Variants in GAS7 observed in about 807,000 individuals in gnomAD.
GAS7 encodes the protein growth arrest-specific protein 7.
Under a neutral mutation model 71.1 loss-of-function variants are expected in GAS7, and 28 were observed. That is an observed-to-expected ratio of 0.39 (90% CI 0.29 to 0.54). GAS7 has a LOEUF of 0.54. Among genes scored for constraint, GAS7 ranks in the 20% least tolerant of loss-of-function variants. The pLI, the probability that GAS7 is intolerant of heterozygous loss-of-function variation, is 0.62. For synonymous variants in GAS7, 258 were observed against 245.8 expected, an observed-to-expected ratio of 1.05 and a Z score of -0.46; for missense variants, 436 against 627.8, an observed-to-expected ratio of 0.69 and a Z score of 3.27.
At chr17:9,943,057 CG>C (rs1429305308) in intron 7 of GAS7, 63 bp downstream of exon 7, 1 of 1,064,780 alleles carries the variant, frequency 9.4e-7, no homozygotes, top group East Asian at 2.3e-5. Flanking sequence ...CGCCCCGCCC[CG>C]GCCACGGGGC....
At chr17:10,094,734 CT>C (rs2073623285) in intron 1 of GAS7, among the ~76,000 whole-genome samples, 1 of 152,152 alleles carries the variant, frequency 6.6e-6, no homozygotes, top group Admixed American at 6.6e-5. Flanking sequence ...TCCCAAAGTG[CT>C]GGGATTACAG....
At chr17:10,092,314 G>A (rs1228261938) in intron 1 of GAS7, among the ~76,000 whole-genome samples, 1 of 152,184 alleles carries the variant, frequency 6.6e-6, no homozygotes. Context: ...GAGGAAAACA[G>A]TACACTACTA....
At chr17:9,939,259 G>A (rs1041642800) in intron 8 of GAS7, among the ~76,000 whole-genome samples, 1 of 152,152 alleles carries the variant, frequency 6.6e-6, no homozygotes, top group Non-Finnish European at 1.5e-5. Flanking sequence ...TTTCCCCCAG[G>A]GGTGCATAAG....
chr17:10,025,541 C>T lies in GAS7; in HGVS notation c.184-5644G>A, dbSNP rs559591724. ...TCTTTATTTAAAAAAACAACGCAAC[C>T]CCCAAAATTTTCCCCTTAATGGTGG... On this transcript the variant is annotated intron_variant, in intron 1 of 13. Coordinates refer to ENST00000432992, the MANE Select transcript of GAS7 (RefSeq NM_201433.2). Among the ~76,000 whole-genome samples the T allele has an allele frequency of 2.1e-3, 318 of 151,924 alleles. 2 individuals carry two copies. Among genetic ancestry groups the T allele is most frequent in the African/African-American group, 7.1e-3 (295 of 41,418 alleles).
At chr17:10,175,199 C>T (rs8066598) in intron 1 of GAS7, among the ~76,000 whole-genome samples, 74,208 of 145,354 alleles carry the variant, frequency 0.51, 17,572 homozygotes, top group East Asian at 0.63. Flanking sequence ...TATAACCCTT[C>T]AGCTAGGAAT....
chr17:10,197,972 G>A (rs1428015826), intron 1 of GAS7, among the ~76,000 whole-genome samples: 1 of 152,190 alleles, frequency 6.6e-6, no homozygotes, highest in Admixed American at 6.5e-5. Context: ...GTGTGCTCCG[G>A]AGGCCCGGCG....
rs550654669 is a variant in GAS7 at position 9,955,742 on chromosome 17, G to A, written c.525+3460C>T. On this transcript the variant is annotated intron_variant, in intron 5 of 13. Coordinates refer to ENST00000432992, the MANE Select transcript of GAS7 (RefSeq NM_201433.2). ...GTGCTCAAGAGGGAGCCAGAGAGGG[G>A]CACGCCTCCCCGTGTGTACTGCTCA... is the stretch of plus-strand genomic sequence containing the variant. Among the ~76,000 whole-genome samples, 38 of 152,292 alleles carry A rather than the reference G, an allele frequency of 2.5e-4. No individual in the cohort carries two copies. In the East Asian group the frequency reaches 4.8e-3, roughly 19 times the overall value.
intron 2 of GAS7, among the ~76,000 whole-genome samples, chr17:10,016,781 TAATAA>T (rs1567542956): frequency 1.1e-5 from 1 of 89,000 alleles, no homozygotes; most frequent in Non-Finnish European, 2.3e-5. Context: ...ATAATAATAA[TAATAA>T]TAATAATAAT....
intron 2 of GAS7, among the ~76,000 whole-genome samples, chr17:9,984,221 G>A (rs1418507112): frequency 3.3e-5 from 5 of 151,970 alleles, no homozygotes; most frequent in African/African-American, 9.7e-5. Flanking sequence ...TAGGCAAATC[G>A]CACCACCCTT....
Position 10,150,385 on chromosome 17 carries a change from C to T in GAS7, c.183+47823G>A, listed in dbSNP as rs2142106718. Among the ~76,000 whole-genome samples the T allele has an allele frequency of 1.5e-5, 2 of 136,506 alleles. 1 individual carries two copies. Among genetic ancestry groups the T allele is most frequent in the South Asian group, 5.1e-4 (2 of 3,892 alleles). The allele number at this position is 136,506 out of a possible 152,430, so 89.6% of individuals were successfully genotyped here. On this transcript the variant is annotated intron_variant, in intron 1 of 13. Coordinates refer to ENST00000432992, the MANE Select transcript of GAS7 (RefSeq NM_201433.2). ...TTCCTTTTCTTCCTCTCCTTTTCTTCTCTTTCTTTCTTTCTCTCAACTGGT... is the reference window on the plus strand; with the variant it reads ...TTCCTTTTCTTCCTCTCCTTTTCTTTTCTTTCTTTCTTTCTCTCAACTGGT...
chr17:10,019,916 A>G lies in GAS7; in HGVS notation c.184-19T>C. The G allele has an allele frequency of 6.2e-7, 1 of 1,611,890 alleles. No homozygotes were observed. The highest frequency in any genetic ancestry group is 8.5e-7 in the Non-Finnish European group (1 of 1,179,594). On this transcript the variant is annotated intron_variant, in intron 1 of 13. Coordinates refer to ENST00000432992, the MANE Select transcript of GAS7 (RefSeq NM_201433.2). ...CAGGCTTCTGTTGGAGAAGAAAGAAAAGGTCACACCCATTTGGCATTTTTG... is the reference window on the plus strand; with the variant it reads ...CAGGCTTCTGTTGGAGAAGAAAGAAGAGGTCACACCCATTTGGCATTTTTG...
At chr17:10,070,320 T>C (rs1409701550) in intron 1 of GAS7, among the ~76,000 whole-genome samples, 1 of 147,194 alleles carries the variant, frequency 6.8e-6, no homozygotes, top group Non-Finnish European at 1.5e-5. Flanking sequence ...CCAGCCCAGC[T>C]CTCCCTTCGT....
intron 1 of GAS7, among the ~76,000 whole-genome samples, chr17:10,118,576 T>C (rs1228645387): frequency 6.6e-6 from 1 of 151,948 alleles, no homozygotes. Context: ...CCAGGTGTGA[T>C]GGAGGTAGTC....
At position 10,034,712 on chromosome 17, in the gene GAS7, G is replaced by A. The variant is rs1390657202; in HGVS notation, c.184-14815C>T. On this transcript the variant is annotated intron_variant, in intron 1 of 13. Transcript: ENST00000432992. The surrounding 1 kb of genome is among the most constrained non-coding windows in gnomAD (Gnocchi z 4.4). ...AGTGTAGACATGGGCATCATGTCTAGGAGGCATCTGACTGTTCCTGAAACG... is the reference window on the plus strand; with the variant it reads ...AGTGTAGACATGGGCATCATGTCTAAGAGGCATCTGACTGTTCCTGAAACG... 6.6e-6 allele frequency among the ~76,000 whole-genome samples: 1 copy of A among 152,204 alleles called. No homozygotes were observed. Among genetic ancestry groups the A allele is most frequent in the South Asian group, 2.1e-4 (1 of 4,834 alleles).
intron 8 of GAS7, among the ~76,000 whole-genome samples, chr17:9,937,913 T>A (rs191566120): frequency 6.6e-6 from 1 of 152,182 alleles, no homozygotes; most frequent in African/African-American, 2.4e-5. Flanking sequence ...TGTTTTTTTT[T>A]ACAGAGGTGA....
At chr17:10,004,217 G>A (rs779208845) in intron 2 of GAS7, among the ~76,000 whole-genome samples, 2 of 152,130 alleles carry the variant, frequency 1.3e-5, no homozygotes, top group Non-Finnish European at 2.9e-5. Flanking sequence ...CATTGTGTTC[G>A]CCCACACCAC....
rs576998165 is a variant in GAS7 at position 9,942,512 on chromosome 17, A to G, written c.731+609T>C. Among the ~76,000 whole-genome samples the G allele has an allele frequency of 3.9e-5, 6 of 152,174 alleles. No homozygotes were observed. The South Asian group carries it at 1.2e-3, about 32-fold the overall frequency. ...ATTGGGCTGAATTTATTGTTTCTTC[A>G]TCTGTGTTCCCAAGCTCTTTAGACA... On this transcript the variant is annotated intron_variant, in intron 7 of 13. Transcript: ENST00000432992.
intron 5 of GAS7, among the ~76,000 whole-genome samples, chr17:9,951,090 T>C (rs117345813): frequency 0.011 from 1,653 of 152,284 alleles, 78 homozygotes; most frequent in Admixed American, 0.076. Flanking sequence ...TTCCTTCCTG[T>C]GCCTCCACAA....
At chr17:9,995,212 T>C (rs1370308219) in intron 2 of GAS7, among the ~76,000 whole-genome samples, 1 of 152,208 alleles carries the variant, frequency 6.6e-6, no homozygotes, top group Non-Finnish European at 1.5e-5. Flanking sequence ...GGGTTGTGAC[T>C]GTATTGAATA....
Sources: gnomAD v4.1 joint callset for allele counts (sites outside exome capture counted in the v4.1 genomes callset) on GRCh38, gnomAD v4.1.1 for gene constraint, Gnocchi (gnomAD v3.1) non-coding constraint, MANE v1.5 for transcripts, NCBI Gene and HGNC (gene_info 2026-07-23, HGNC 2026-07-21) for gene names.